The following WARS1 variants were observed in gnomAD, a reference collection of about 807,000 sequenced individuals.
WARS1 encodes the protein tryptophan--tRNA ligase, cytoplasmic.
A neutral mutation model predicts 47.8 loss-of-function variants in WARS1; 17 were observed. The observed-to-expected ratio is 0.36, with a 90% CI of 0.24 to 0.53. WARS1 has a LOEUF of 0.53. Ranked by LOEUF, WARS1 falls within the 20% of genes least tolerant of loss-of-function variation. WARS1 has a pLI of 0.91. For missense variants in WARS1, 434 were observed against 608.0 expected (o/e 0.71, Z 3.01); for synonymous variants, 208 against 228.1 (o/e 0.91, Z 0.79).
Position 100,342,548 on chromosome 14 carries a change from C to T in WARS1, c.963G>A (p.Arg321=), listed in dbSNP as rs1253247125. The T allele has an allele frequency of 1.2e-6, 2 of 1,611,966 alleles. No individual in the cohort carries two copies. The highest frequency in any genetic ancestry group is 1.1e-5 in the South Asian group (1 of 91,012). Residue 321 remains arginine (R), a synonymous_variant, in exon 9 of 11, where the codon AGG becomes AGA. Transcript: ENST00000392882. Reference sequence around the variant, plus strand: ...GATAGCCGATCCTGGGGGCGACGTCCCTTGTCATTCTAAAGTAAGGATCCT... The same window carrying T: ...GATAGCCGATCCTGGGGGCGACGTCTCTTGTCATTCTAAAGTAAGGATCCT... The part of the protein sequence containing the change: ...IDQDPYFRMT[R]DVAPRIGYPK...
At chr14:100,361,549 T>C (rs1287565617) in intron 3 of WARS1, among the ~76,000 whole-genome samples, 159 bp downstream of exon 3, 6 of 152,246 alleles carry the variant, frequency 3.9e-5, no homozygotes, top group Non-Finnish European at 7.3e-5. Context: ...TTTGGGAATA[T>C]AATGCACAAC....
In WARS1 at chr14:100,346,854, G is replaced by T; in HGVS notation, c.726-8C>A. ...TAGAAACCTGAGCTCATCCTGCAAAGACAACGAGAATGAAATCCCAAACGG... is the reference window on the plus strand; with the variant it reads ...TAGAAACCTGAGCTCATCCTGCAAATACAACGAGAATGAAATCCCAAACGG... On this transcript the variant is annotated splice_region_variant and splice_polypyrimidine_tract_variant and intron_variant, in intron 6 of 10. Transcript: ENST00000392882. 1 of 1,610,454 alleles carries T rather than the reference G, an allele frequency of 6.2e-7. No individual in the cohort carries two copies. Among genetic ancestry groups the T allele is most frequent in the South Asian group, 1.1e-5 (1 of 90,888 alleles).
At chr14:100,372,865 G>GCTGC (rs1000471700) in intron 1 of WARS1, among the ~76,000 whole-genome samples, 36 of 152,174 alleles carry the variant, frequency 2.4e-4, no homozygotes, top group South Asian at 1.5e-3. Context: ...GCTGCTCCCT[G>GCTGC]CTGCCTGCCT....
intron 6 of WARS1, among the ~76,000 whole-genome samples, chr14:100,351,979 C>T (rs553356499): frequency 5.2e-5 from 7 of 134,632 alleles, no homozygotes; most frequent in Admixed American, 2.4e-4. Context: ...GGTGACAGAG[C>T]GAGACTCCGT....
At position 100,345,392 on chromosome 14, in the gene WARS1, T is replaced by C. The variant is rs1014404228; in HGVS notation, c.826+1354A>G. ...ACCCTGTGCTCTCTGAAACATGTGC[T>C]GAGTCTACTCAGGGTTAAATGGATT... On this transcript the variant is annotated intron_variant, in intron 7 of 10. Coordinates refer to ENST00000392882, the MANE Select transcript of WARS1 (RefSeq NM_004184.4). Among the ~76,000 whole-genome samples, 61 of 152,374 alleles carry C rather than the reference T, an allele frequency of 4.0e-4. 1 individual carries two copies. Among genetic ancestry groups the C allele is most frequent in the Middle Eastern group, 3.4e-3 (1 of 294 alleles).
At chr14:100,365,881 C>A in intron 2 of WARS1, 1 of 376,762 alleles carries the variant, frequency 2.7e-6, no homozygotes, top group South Asian at 2.0e-5. Context: ...CATGGAAATA[C>A]TGGAAGGTGA....
At chr14:100,335,862 C>A (rs1359373907) in intron 10 of WARS1, among the ~76,000 whole-genome samples, 1 of 152,180 alleles carries the variant, frequency 6.6e-6, no homozygotes, top group Non-Finnish European at 1.5e-5. Context: ...CTTCACATTT[C>A]TTTCCCTGTG....
intron 9 of WARS1, among the ~76,000 whole-genome samples, chr14:100,337,913 A>G (rs1893860501): frequency 6.6e-6 from 1 of 152,168 alleles, no homozygotes; most frequent in African/African-American, 2.4e-5. Flanking sequence ...TGAGTAAGTC[A>G]TCCTCAGAGT....
intron 4 of WARS1, among the ~76,000 whole-genome samples, chr14:100,358,930 T>C (rs1895492948): frequency 6.6e-6 from 1 of 152,188 alleles, no homozygotes; most frequent in East Asian, 1.9e-4. Context: ...TCAACATCCT[T>C]GTCATTAGGG....
At chr14:100,360,493 C>G in intron 4 of WARS1, 61 bp downstream of exon 4, 2 of 1,377,812 alleles carry the variant, frequency 1.5e-6, no homozygotes, top group South Asian at 1.3e-5. Context: ...GAGTGTCTTA[C>G]GATTTTTTTG....
intron 4 of WARS1, among the ~76,000 whole-genome samples, chr14:100,357,546 C>G (rs1156798155): frequency 1.3e-5 from 2 of 151,894 alleles, no homozygotes; most frequent in African/African-American, 4.8e-5. Context: ...ACTGCCACCT[C>G]TGCCTCCTGG....
At chr14:100,374,560 GAAC>G (rs1275934962) in intron 1 of WARS1, among the ~76,000 whole-genome samples, 1 of 152,224 alleles carries the variant, frequency 6.6e-6, no homozygotes, top group African/African-American at 2.4e-5. Flanking sequence ...TTGTTTAACA[GAAC>G]AACATGATAA....
At position 100,342,575 on chromosome 14, in the gene WARS1, TGGGGAGAGTAAGGACCCTGATGAGG is replaced by T. The variant is rs1386646108; in HGVS notation, c.940-29_940-5del. 1 of 1,607,712 alleles carries T rather than the reference TGGGGAGAGTAAGGACCCTGATGAGG, an allele frequency of 6.2e-7. No homozygotes were observed. Among genetic ancestry groups the T allele is most frequent in the African/African-American group, 1.3e-5 (1 of 74,706 alleles). On this transcript the variant is annotated splice_polypyrimidine_tract_variant and splice_region_variant and intron_variant, in intron 8 of 10. Coordinates refer to ENST00000392882, the MANE Select transcript of WARS1 (RefSeq NM_004184.4). ...TTGTCATTCTAAAGTAAGGATCCTG[TGGGGAGAGTAAGGACCCTGATGAGG>T]GCGGCCAGAAAACATGCCAGCTTTC...
intron 4 of WARS1, 49 bp from the exon 5 acceptor site, chr14:100,354,615 T>G (rs774846600): frequency 1.3e-6 from 2 of 1,568,740 alleles, no homozygotes; most frequent in Admixed American, 3.9e-5. Context: ...GAGAAAAATA[T>G]CAAGGCACTA....
chr14:100,334,932 C>T lies in WARS1; in HGVS notation c.1359G>A (p.Thr453=), dbSNP rs759722365. 6.8e-6 allele frequency: 11 copies of T among 1,614,132 alleles called. No individual in the cohort carries two copies. The highest frequency in any genetic ancestry group is 1.6e-4 in the Middle Eastern group (1 of 6,062). Residue 453 remains threonine (T), a synonymous_variant, in exon 11 of 11, where the codon ACG becomes ACA. Transcript: ENST00000392882. ...TCATGAACTCTTTCACTATCTCATC[C>T]GTGACCTCCTTGCGCCGGGCCTGGT... ...AEHQARRKEV[T]DEIVKEFMTP...
intron 6 of WARS1, among the ~76,000 whole-genome samples, chr14:100,350,391 CA>C (rs1222094248): frequency 0.026 from 135 of 5,108 alleles, 1 homozygote; most frequent in East Asian, 0.23. Context: ...GACTCCATCT[CA>C]AAAAAAGAAA....
intron 6 of WARS1, among the ~76,000 whole-genome samples, chr14:100,351,877 C>T (rs567794731): frequency 6.6e-6 from 1 of 151,912 alleles, no homozygotes; most frequent in African/African-American, 2.4e-5. Context: ...CCTGTAGTCC[C>T]AGCTACTTGG....
chr14:100,371,873 C>A (rs1282249886), intron 1 of WARS1, among the ~76,000 whole-genome samples: 1 of 152,144 alleles, frequency 6.6e-6, no homozygotes, highest in Non-Finnish European at 1.5e-5. Context: ...AATGTCAGGT[C>A]TCTGAGCCCA....
chr14:100,353,700 G>C lies in WARS1; in HGVS notation c.712C>G (p.Leu238Val), dbSNP rs1363607133. The change falls in exon 6 of 11, where the codon CTG becomes GTG. Residue 238 changes from leucine (L) to valine (V), a missense_variant. Transcript: ENST00000392882. ...DINKTFIFSD[L>V]DYMGMSSGFY... ...TTTTCTCCTTACCCCATGTAGTCCA[G>C]GTCAGAGAATATGAAAGTCTTGTTG... 1 of 1,614,186 alleles carries C rather than the reference G, an allele frequency of 6.2e-7. No individual in the cohort carries two copies. Among genetic ancestry groups the C allele is most frequent in the Non-Finnish European group, 8.5e-7 (1 of 1,180,028 alleles).
Sources: gnomAD v4.1 joint callset for allele counts (sites outside exome capture counted in the v4.1 genomes callset) on GRCh38, gnomAD v4.1.1 for gene constraint, MANE v1.5 for transcripts, NCBI Gene and HGNC (gene_info 2026-07-23, HGNC 2026-07-21) for gene names.